The following DPP10 variants were observed in gnomAD, a reference collection of about 807,000 sequenced individuals.
DPP10 encodes the protein inactive dipeptidyl peptidase 10.
DPP10 carries 33 observed loss-of-function variants against 120.9 expected under a neutral mutation model. The observed-to-expected ratio is 0.27, with a 90% CI of 0.21 to 0.37. The LOEUF (loss-of-function observed/expected upper bound fraction) is 0.37, where lower values mean the gene tolerates loss of function less well. Among genes scored for constraint, DPP10 ranks in the 10% least tolerant of loss-of-function variants. The probability of loss-of-function intolerance (pLI) is 1.00; values close to 1 mark genes in which losing one functional copy is unlikely to be tolerated. For synonymous variants in DPP10, 337 were observed against 326.1 expected (o/e 1.03, Z -0.36); for missense variants, 816 against 942.8 (o/e 0.87, Z 1.76).
chr2:115,584,185 T>C (rs1263096340), intron 5 of DPP10, among the ~76,000 whole-genome samples: 1 of 152,216 alleles, frequency 6.6e-6, no homozygotes, highest in Non-Finnish European at 1.5e-5. Flanking sequence ...TCTAACTTAA[T>C]TTACTCCATT....
chr2:114,837,673 T>A (rs1196073399), intron 1 of DPP10, among the ~76,000 whole-genome samples: 1 of 152,214 alleles, frequency 6.6e-6, no homozygotes, highest in Non-Finnish European at 1.5e-5. Flanking sequence ...TCATCTATGC[T>A]GTAGTAACAA....
intron 5 of DPP10, among the ~76,000 whole-genome samples, chr2:115,570,635 T>G (rs1477232552): frequency 1.3e-5 from 2 of 152,172 alleles, no homozygotes; most frequent in African/African-American, 2.4e-5. Flanking sequence ...CTGTGTGGTG[T>G]TGTTATTCTA....
At chr2:114,995,481 C>A (rs553565300) in intron 1 of DPP10, among the ~76,000 whole-genome samples, 2 of 151,974 alleles carry the variant, frequency 1.3e-5, no homozygotes, top group African/African-American at 2.4e-5. Flanking sequence ...CAGTTTAGAA[C>A]CCCTGCTTAA....
chr2:114,556,350 G>T (rs114612719), intron 1 of DPP10, among the ~76,000 whole-genome samples: 1 of 149,844 alleles, frequency 6.7e-6, no homozygotes, highest in East Asian at 2.0e-4. Context: ...ACCTGACAGC[G>T]TAACTACTGA....
chr2:115,160,939 G>C lies in DPP10; in HGVS notation c.61-148300G>C, dbSNP rs372214955. On this transcript the variant is annotated intron_variant, in intron 1 of 25. Transcript: ENST00000410059. Reference sequence around the variant, plus strand: ...TGTGTTTGGCACGTGGTAGGTGCTCGGTAAACCTACTTTGAATGGGAGAGG... The same window carrying C: ...TGTGTTTGGCACGTGGTAGGTGCTCCGTAAACCTACTTTGAATGGGAGAGG... 1.0e-3 allele frequency among the ~76,000 whole-genome samples: 153 copies of C among 152,214 alleles called. 1 individual carries two copies. The highest frequency in any genetic ancestry group is 2.9e-3 in the African/African-American group (121 of 41,554).
intron 1 of DPP10, among the ~76,000 whole-genome samples, chr2:114,524,828 T>C (rs936028870): frequency 6.6e-6 from 1 of 152,208 alleles, no homozygotes; most frequent in Non-Finnish European, 1.5e-5. Flanking sequence ...TTTGTTTGTT[T>C]CTCAGTTTGC....
At chr2:114,654,874 A>G (rs759078296) in intron 1 of DPP10, among the ~76,000 whole-genome samples, 7 of 152,180 alleles carry the variant, frequency 4.6e-5, no homozygotes, top group Non-Finnish European at 5.9e-5. Context: ...TTAAAACATC[A>G]TAAGTTAAAA....
chr2:114,779,709 C>T (rs560359262), intron 1 of DPP10, among the ~76,000 whole-genome samples: 323 of 152,250 alleles, frequency 2.1e-3, no homozygotes, highest in African/African-American at 7.0e-3. Flanking sequence ...CCCAACCTTG[C>T]GCTAAAGTAA....
At chr2:115,110,895 G>A (rs1362198731) in intron 1 of DPP10, among the ~76,000 whole-genome samples, 1 of 151,708 alleles carries the variant, frequency 6.6e-6, no homozygotes, top group African/African-American at 2.4e-5. Flanking sequence ...TGTTTATATT[G>A]GTATTTTAAA....
chr2:115,542,740 T>C (rs2079245642), intron 5 of DPP10, among the ~76,000 whole-genome samples: 1 of 151,636 alleles, frequency 6.6e-6, no homozygotes, highest in African/African-American at 2.4e-5. Context: ...TTTAAAGCCC[T>C]GTAGACTCTA....
At chr2:114,690,569 A>G (rs750049158) in intron 1 of DPP10, among the ~76,000 whole-genome samples, 4 of 151,766 alleles carry the variant, frequency 2.6e-5, no homozygotes, top group Non-Finnish European at 5.9e-5. Context: ...GCTATTTGGG[A>G]TCTTTTTGGT....
At chr2:115,210,435 G>C (rs969706964) in intron 1 of DPP10, among the ~76,000 whole-genome samples, 16 of 152,138 alleles carry the variant, frequency 1.1e-4, no homozygotes, top group South Asian at 6.2e-4. Flanking sequence ...GGACATTTGG[G>C]TTGGTTCCAA....
chr2:115,821,493 CA>C (rs796898803), intron 21 of DPP10, among the ~76,000 whole-genome samples: 27 of 151,900 alleles, frequency 1.8e-4, no homozygotes, highest in African/African-American at 6.5e-4. Context: ...GCCCTTTAAA[CA>C]AAAAGAGAGA....
chr2:115,246,060 G>A (rs959972319), intron 1 of DPP10, among the ~76,000 whole-genome samples: 1 of 151,726 alleles, frequency 6.6e-6, no homozygotes, highest in African/African-American at 2.4e-5. Context: ...AATGAAAGAT[G>A]GAAACCTGAA....
chr2:114,965,964 C>CAAAAAAAAAAAAAAAAAAA (rs57107624), intron 1 of DPP10, among the ~76,000 whole-genome samples: 11 of 74,800 alleles, frequency 1.5e-4, no homozygotes, highest in Admixed American at 4.0e-4. Context: ...GACTCCTTCT[C>CAAAAAAAAAAAAAAAAAAA]AAAAAAAAAA....
At chr2:114,543,344 A>G (rs1176664286) in intron 1 of DPP10, among the ~76,000 whole-genome samples, 2 of 152,156 alleles carry the variant, frequency 1.3e-5, no homozygotes, top group East Asian at 3.9e-4. Context: ...CTAATTTCCA[A>G]CATTGACAGC....
chr2:114,487,504 C>A (rs1681615053), intron 1 of DPP10, among the ~76,000 whole-genome samples: 2 of 152,130 alleles, frequency 1.3e-5, no homozygotes, highest in South Asian at 4.1e-4. Context: ...AAATGACAAT[C>A]TTTACAAATT....
At chr2:115,762,862 G>A (rs1680283493) in intron 12 of DPP10, among the ~76,000 whole-genome samples, 1 of 152,148 alleles carries the variant, frequency 6.6e-6, no homozygotes, top group African/African-American at 2.4e-5. Flanking sequence ...AATATTCTGT[G>A]TAAGTACACT....
intron 1 of DPP10, among the ~76,000 whole-genome samples, chr2:114,488,255 C>T (rs1352376661): frequency 6.6e-6 from 1 of 152,144 alleles, no homozygotes; most frequent in East Asian, 1.9e-4. Flanking sequence ...GGGTGTGGGA[C>T]TTCCTGGGTT....
Sources: gnomAD v4.1 joint callset for allele counts (sites outside exome capture counted in the v4.1 genomes callset) on GRCh38, gnomAD v4.1.1 for gene constraint, MANE v1.5 for transcripts, NCBI Gene and HGNC (gene_info 2026-07-23, HGNC 2026-07-21) for gene names.